Variants in GOLGA8K observed in about 807,000 individuals in gnomAD.
The protein encoded by GOLGA8K is golgin subfamily A member 8K.
Under a neutral mutation model 75.2 loss-of-function variants are expected in GOLGA8K, and 12 were observed. That is an observed-to-expected ratio of 0.16 (90% CI 0.10 to 0.26). The LOEUF is 0.26. Among genes scored for constraint, GOLGA8K ranks in the 10% least tolerant of loss-of-function variants. The pLI, the probability that GOLGA8K is intolerant of heterozygous loss-of-function variation, is 1.00. For synonymous variants in GOLGA8K, 48 were observed against 236.6 expected, an observed-to-expected ratio of 0.20 and a Z score of 7.32; for missense variants, 109 against 640.8, an observed-to-expected ratio of 0.17 and a Z score of 8.96.
chr15:32,395,572 G>T (rs1352449508), intron 13 of GOLGA8K, among the ~76,000 whole-genome samples: 3 of 146,372 alleles, frequency 2.0e-5, no homozygotes, highest in Admixed American at 1.4e-4. Flanking sequence ...TGTAATTTTA[G>T]TAGAGATGAG....
intron 13 of GOLGA8K, among the ~76,000 whole-genome samples, chr15:32,395,648 C>T (rs1278980110): frequency 6.8e-6 from 1 of 146,046 alleles, no homozygotes; most frequent in Non-Finnish European, 1.5e-5. Context: ...GCCTCAGCCT[C>T]CCAAAGTGCT....
Position 32,395,679 on chromosome 15 carries a change from C to A in GOLGA8K, c.1200+284G>T, listed in dbSNP as rs1337114549. 6.8e-5 allele frequency among the ~76,000 whole-genome samples: 10 copies of A among 146,552 alleles called. No homozygotes were observed. In the East Asian group the frequency reaches 1.7e-3, roughly 25 times the overall value. On this transcript the variant is annotated intron_variant, in intron 13 of 18. Transcript: ENST00000512626. ...GTGCTGGGATTATAGGCATGAGCCA[C>A]TGCACCTGGCATAAGGAGCCTGTTA...
At chr15:32,395,546 ATTT>A (rs1198528224) in intron 13 of GOLGA8K, among the ~76,000 whole-genome samples, 31 of 130,788 alleles carry the variant, frequency 2.4e-4, no homozygotes, top group Admixed American at 6.3e-4. Context: ...TGTCCTGCTA[ATTT>A]TTTTTTTTTT....
chr15:32,398,138 G>A (rs1173113102), intron 8 of GOLGA8K, among the ~76,000 whole-genome samples: 3 of 149,202 alleles, frequency 2.0e-5, no homozygotes, highest in African/African-American at 7.4e-5. Context: ...TTGCAGACAT[G>A]TTTTATGTAT....
chr15:32,398,222 G>C (rs913730486), intron 8 of GOLGA8K, among the ~76,000 whole-genome samples: 4 of 144,616 alleles, frequency 2.8e-5, no homozygotes, highest in African/African-American at 1.0e-4. Context: ...TACAGAAATG[G>C]TAACATACTA....
At chr15:32,398,310 A>C (rs1319157355) in intron 8 of GOLGA8K, among the ~76,000 whole-genome samples, 5 of 147,310 alleles carry the variant, frequency 3.4e-5, no homozygotes, top group Non-Finnish European at 4.5e-5. Context: ...GACCACAGAC[A>C]GGTAAGGGCG....
rs200836568 is a variant in GOLGA8K, at chr15:32,394,181, C to T, written c.1329G>A (p.Pro443=). 35 of 1,373,036 alleles carry T rather than the reference C, an allele frequency of 2.5e-5. 1 individual carries two copies. The Admixed American group carries it at 4.3e-4, about 17-fold the overall frequency. The allele number at this position is 1,373,036 out of a possible 1,614,324, so 85.1% of individuals were successfully genotyped here. A position where few individuals can be genotyped will look rare whatever the true frequency, so the allele number is the denominator to read the frequency against. The change falls in exon 15 of 19, where the codon CCG becomes CCA. Residue 443 remains proline (P), a synonymous_variant. Coordinates refer to ENST00000512626, the MANE Select transcript of GOLGA8K (RefSeq NM_001282493.2). The part of the protein sequence containing the change: ...SEGEEAPQPM[P]SVPEDLESRE... ...TGCTCTCCAGGTCCTCTGGGACACT[C>T]GGCATGGGCTGAGGTGCCTCCTCCC...
intron 14 of GOLGA8K, 184 bp downstream of exon 14, chr15:32,394,481 A>G: frequency 3.2e-6 from 2 of 625,694 alleles, no homozygotes; most frequent in Admixed American, 2.8e-5. Flanking sequence ...AGCCATCCTT[A>G]GGCAACTTGG....
intron 8 of GOLGA8K, among the ~76,000 whole-genome samples, chr15:32,397,948 A>C (rs2054649963): frequency 6.6e-6 from 1 of 152,086 alleles, no homozygotes; most frequent in African/African-American, 2.4e-5. Context: ...ACCCAGGTCT[A>C]TCCAATTCTC....
chr15:32,395,765 C>A (rs1269647692), intron 13 of GOLGA8K, among the ~76,000 whole-genome samples, 198 bp downstream of exon 13: 1 of 148,154 alleles, frequency 6.7e-6, no homozygotes, highest in African/African-American at 2.5e-5. Flanking sequence ...TGATGATGTC[C>A]AGACCTGAGA....
chr15:32,392,713 G>A lies in GOLGA8K; in HGVS notation c.*69C>T. ...TCAAAGGAAGTAAATGAATTGTGTA[G>A]GAGATTAACCCCATAACTTGGTTTC... On this transcript the variant is annotated 3_prime_UTR_variant, in exon 19 of 19. Coordinates refer to ENST00000512626, the MANE Select transcript of GOLGA8K (RefSeq NM_001282493.2). The A allele has an allele frequency of 2.3e-6, 2 of 864,922 alleles. No homozygotes were observed. The highest frequency in any genetic ancestry group is 6.1e-5 in the East Asian group (2 of 32,894). The allele number at this position is 864,922 out of a possible 1,614,324, so 53.6% of individuals were successfully genotyped here. A position where few individuals can be genotyped will look rare whatever the true frequency, so the allele number is the denominator to read the frequency against.
chr15:32,397,324 C>T lies in GOLGA8K; in HGVS notation c.679-14G>A. 6.4e-7 allele frequency: 1 copy of T among 1,570,590 alleles called. No individual in the cohort carries two copies. Among genetic ancestry groups the T allele is most frequent in the Non-Finnish European group, 8.7e-7 (1 of 1,148,428 alleles). ...AGACTCCTTCAACTGCAAGAATGGG[C>T]ACAGAACTTAGGAAGGGCTGTCACT... On this transcript the variant is annotated splice_polypyrimidine_tract_variant and intron_variant, in intron 9 of 18. Coordinates refer to ENST00000512626, the MANE Select transcript of GOLGA8K (RefSeq NM_001282493.2).
intron 14 of GOLGA8K, 154 bp downstream of exon 14, chr15:32,394,511 G>C: frequency 1.5e-6 from 1 of 667,518 alleles, no homozygotes; most frequent in Non-Finnish European, 2.5e-6. Flanking sequence ...GCTCACAGGA[G>C]GTCACCACAC....
chr15:32,399,049 GC>G, intron 5 of GOLGA8K, 64 bp from the exon 6 acceptor site: 1 of 672,008 alleles, frequency 1.5e-6, no homozygotes, highest in Non-Finnish European at 2.3e-6. Context: ...CAAGAGACAT[GC>G]CCCCAGAATG....
At position 32,395,890 on chromosome 15, in the gene GOLGA8K, C is replaced by T. The variant is rs1237768112; in HGVS notation, c.1200+73G>A. ...GCTGGAAGCTGCCTCTGACCTGGCA[C>T]CTCCCCTCCCAAGAGGCTGCTGCCC... On this transcript the variant is annotated intron_variant, in intron 13 of 18. Transcript: ENST00000512626. 37 of 1,556,668 alleles carry T rather than the reference C, an allele frequency of 2.4e-5. 1 individual carries two copies. In the East Asian group the frequency reaches 6.9e-4, roughly 29 times the overall value.
At chr15:32,397,591 T>A in intron 8 of GOLGA8K, 88 bp from the exon 9 acceptor site, 1 of 1,428,906 alleles carries the variant, frequency 7.0e-7, no homozygotes, top group South Asian at 1.2e-5. Context: ...CTAGGCCCAA[T>A]ATACAACTCG....
chr15:32,394,136 C>A lies in GOLGA8K; in HGVS notation c.1365+9G>T, dbSNP rs1186459899. The A allele has an allele frequency of 7.8e-6, 8 of 1,019,236 alleles. 1 individual carries two copies. Among genetic ancestry groups the A allele is most frequent in the African/African-American group, 5.9e-5 (2 of 33,792 alleles). 63.1% of individuals were successfully genotyped at this position (1,019,236 alleles called of 1,614,324 possible). On this transcript the variant is annotated intron_variant, in intron 15 of 18. Coordinates refer to ENST00000512626, the MANE Select transcript of GOLGA8K (RefSeq NM_001282493.2). Reference sequence around the variant, plus strand: ...GTGGCAAAATGGGTGCAGGGGGAGTCAGGCTCACCATGGCCTCCCTGCTCT... The same window carrying A: ...GTGGCAAAATGGGTGCAGGGGGAGTAAGGCTCACCATGGCCTCCCTGCTCT...
At chr15:32,398,319 C>T (rs1365993594) in intron 8 of GOLGA8K, among the ~76,000 whole-genome samples, 5 of 146,818 alleles carry the variant, frequency 3.4e-5, no homozygotes, top group East Asian at 4.1e-4. Flanking sequence ...CAGGTAAGGG[C>T]GGGGCAGGCA....
Position 32,397,502 on chromosome 15 carries a change from A to G in GOLGA8K, c.593T>C (p.Leu198Ser). The change falls in exon 9 of 19, where the codon TTG (leucine) becomes TCG (serine). Residue 198 changes from leucine (L) to serine (S), a missense_variant and splice_region_variant. By Grantham distance (145) the Leu-to-Ser change is moderately radical (BLOSUM62 -2). Coordinates refer to ENST00000512626, the MANE Select transcript of GOLGA8K (RefSeq NM_001282493.2). Reference protein sequence around the residue: ...MATQKKKANQLSSRSKARTEW... With the variant: ...MATQKKKANQSSSRSKARTEW... ...CGTACGTGCTTTGCTGCGGCTGGAC[A>G]ACTGGATGGTGAAGAGTGAGAAGTT... 1 of 1,466,188 alleles carries G rather than the reference A, an allele frequency of 6.8e-7. No homozygotes were observed. The highest frequency in any genetic ancestry group is 9.4e-7 in the Non-Finnish European group (1 of 1,062,488). 90.8% of individuals were successfully genotyped at this position (1,466,188 alleles called of 1,614,324 possible).
Sources: gnomAD v4.1 joint callset for allele counts (sites outside exome capture counted in the v4.1 genomes callset) on GRCh38, gnomAD v4.1.1 for gene constraint, MANE v1.5 for transcripts, NCBI Gene and HGNC (gene_info 2026-07-23, HGNC 2026-07-21) for gene names.